Variants in CMIP observed in about 807,000 individuals in gnomAD.
CMIP encodes the protein C-Maf-inducing protein.
A neutral mutation model predicts 97.3 loss-of-function variants in CMIP; 13 were observed. The ratio of observed to expected loss-of-function variants is 0.13; its 90% CI spans 0.09 to 0.21. The LOEUF is 0.21. Among genes scored for constraint, CMIP ranks in the 10% least tolerant of loss-of-function variants. The probability of loss-of-function intolerance (pLI) is 1.00; values close to 1 mark genes in which losing one functional copy is unlikely to be tolerated. For missense variants in CMIP, 847 were observed against 1,024.9 expected (o/e 0.83, Z 2.37); for synonymous variants, 538 against 436.3 (o/e 1.23, Z -2.91).
chr16:81,560,164 AAAAG>A lies in CMIP; in HGVS notation c.301-47399_301-47396del, dbSNP rs1302023828. The stretch of plus-strand genomic sequence containing the variant: ...TCTGTCTTAAAAAAAAAAAAAAAGA[AAAAG>A]AAAAAAAGTTGTGTGTTTTTTTGGT... On this transcript the variant is annotated intron_variant, in intron 1 of 20. Coordinates refer to ENST00000537098, the MANE Select transcript of CMIP (RefSeq NM_198390.3). Among the ~76,000 whole-genome samples, 4 of 149,526 alleles carry A rather than the reference AAAAG, an allele frequency of 2.7e-5. 1 individual carries two copies. The highest frequency in any genetic ancestry group is 2.1e-4 in the South Asian group (1 of 4,688).
In CMIP at chr16:81,709,939, G is replaced by A. The variant is rs536572123; in HGVS notation, c.*140G>A. On this transcript the variant is annotated 3_prime_UTR_variant, in exon 21 of 21. Coordinates refer to ENST00000537098, the MANE Select transcript of CMIP (RefSeq NM_198390.3). ...ATGGGGAGTCTTTCTGGGGGCGGAG[G>A]GGGGAGGGGGTGGGGAGGGGGCCCA... The A allele has an allele frequency of 7.6e-4, 477 of 623,872 alleles. No individual in the cohort carries two copies. Among genetic ancestry groups the A allele is most frequent in the Non-Finnish European group, 8.7e-4 (304 of 350,760 alleles). The allele number at this position is 623,872 out of a possible 1,614,324, so 38.6% of individuals were successfully genotyped here. A position where few individuals can be genotyped will look rare whatever the true frequency, so the allele number is the denominator to read the frequency against.
Position 81,613,434 on chromosome 16 carries a change from C to G in CMIP, c.426+5742C>G, listed in dbSNP as rs140040437. ...CTTCCCTGGGCACTAGCTCTGGATC[C>G]TTAGACTCTAACTAGCCATGGAACC... On this transcript the variant is annotated intron_variant, in intron 2 of 20. Coordinates refer to ENST00000537098, the MANE Select transcript of CMIP (RefSeq NM_198390.3). Among the ~76,000 whole-genome samples, 59 of 152,274 alleles carry G rather than the reference C, an allele frequency of 3.9e-4. No individual in the cohort carries two copies. In the East Asian group the frequency reaches 7.9e-3, roughly 20 times the overall value.
chr16:81,459,014 G>GTCACCA (rs1462543588), intron 1 of CMIP, among the ~76,000 whole-genome samples: 1 of 148,390 alleles, frequency 6.7e-6, no homozygotes, highest in African/African-American at 2.6e-5. Flanking sequence ...CACCGTCACC[G>GTCACCA]TCACCATCAC....
chr16:81,591,667 GGGCTGGGAAGGGGA>G (rs1291352059), intron 1 of CMIP, among the ~76,000 whole-genome samples: 2 of 152,040 alleles, frequency 1.3e-5, no homozygotes, highest in Non-Finnish European at 2.9e-5. Flanking sequence ...CGGACCTTCT[GGGCTGGGAAGGGGA>G]GCAGGGGAGC....
intron 14 of CMIP, 145 bp downstream of exon 14, chr16:81,696,812 TGGTGGTGGTG>T (rs1906782206): frequency 1.5e-6 from 1 of 682,944 alleles, no homozygotes; most frequent in East Asian, 3.8e-5. Context: ...GTGGTGGTGG[TGGTGGTGGTG>T]ATGGTGACCG....
rs1474019777 is a variant in CMIP at position 81,709,823 on chromosome 16, A to ACGTT, written c.*25_*28dup. Reference sequence around the variant, plus strand: ...GAAGCTCCCAGCTCAAGGCAGGAAGACGTTTGCAACCGCGACAAAATAACT... The same window carrying ACGTT: ...GAAGCTCCCAGCTCAAGGCAGGAAGACGTTCGTTTGCAACCGCGACAAAATAACT... On this transcript the variant is annotated 3_prime_UTR_variant, in exon 21 of 21. Transcript: ENST00000537098. 6.2e-7 allele frequency: 1 copy of ACGTT among 1,613,244 alleles called. No individual in the cohort carries two copies. Among genetic ancestry groups the ACGTT allele is most frequent in the East Asian group, 2.2e-5 (1 of 44,848 alleles).
chr16:81,498,374 C>T (rs948215404), intron 1 of CMIP, among the ~76,000 whole-genome samples: 1 of 152,214 alleles, frequency 6.6e-6, no homozygotes, highest in East Asian at 1.9e-4. Context: ...GGGCACAGGC[C>T]TGAGTGAGAT....
intron 5 of CMIP, among the ~76,000 whole-genome samples, chr16:81,660,389 C>A (rs1471312149): frequency 2.0e-5 from 3 of 152,014 alleles, no homozygotes; most frequent in Non-Finnish European, 2.9e-5. Context: ...TCTCCTGCCT[C>A]AGCCTCCCGA....
At chr16:81,513,896 T>G (rs1408374158) in intron 1 of CMIP, among the ~76,000 whole-genome samples, 2 of 152,232 alleles carry the variant, frequency 1.3e-5, no homozygotes, top group Admixed American at 1.3e-4. Flanking sequence ...TTGCTGCGCT[T>G]CCCTCAGCCT....
chr16:81,537,107 A>C (rs548505858), intron 1 of CMIP, among the ~76,000 whole-genome samples: 1 of 152,342 alleles, frequency 6.6e-6, no homozygotes, highest in African/African-American at 2.4e-5. Flanking sequence ...CTTCAGGACC[A>C]GTCATGGCAG....
intron 8 of CMIP, among the ~76,000 whole-genome samples, 196 bp from the exon 9 acceptor site, chr16:81,671,770 G>A (rs1413743010): frequency 6.6e-6 from 1 of 152,242 alleles, no homozygotes; most frequent in African/African-American, 2.4e-5. Context: ...TTTGCCTTCT[G>A]CTGCCTGCAC....
At chr16:81,691,633 A>T in intron 10 of CMIP, 142 bp from the exon 11 acceptor site, 1 of 686,546 alleles carries the variant, frequency 1.5e-6, no homozygotes, top group East Asian at 2.7e-5. Context: ...CTCATCCTGG[A>T]GGTGGAAGTG....
intron 10 of CMIP, among the ~76,000 whole-genome samples, chr16:81,681,455 C>T (rs929992524): frequency 2.6e-5 from 4 of 152,212 alleles, no homozygotes; most frequent in African/African-American, 7.2e-5. Context: ...CTCTCTGAGC[C>T]TCCGGTCCCA....
chr16:81,620,844 C>G (rs376326139), intron 2 of CMIP, 32 bp from the exon 3 acceptor site: 1 of 1,613,344 alleles, frequency 6.2e-7, no homozygotes, highest in Admixed American at 1.7e-5. Flanking sequence ...AGCTGATGAC[C>G]GGACCTTGCT....
intron 1 of CMIP, among the ~76,000 whole-genome samples, chr16:81,545,073 A>G (rs1437114149): frequency 6.6e-6 from 1 of 152,066 alleles, no homozygotes; most frequent in Non-Finnish European, 1.5e-5. Context: ...ATGATCTTGT[A>G]AACTCCTAGA....
At position 81,656,068 on chromosome 16, in the gene CMIP, G is replaced by C. The variant is rs553071687; in HGVS notation, c.640-1707G>C. On this transcript the variant is annotated intron_variant, in intron 4 of 20. Coordinates refer to ENST00000537098, the MANE Select transcript of CMIP (RefSeq NM_198390.3). Reference sequence around the variant, plus strand: ...CTCATATCCACTAAAGAAAAAAAGCGTGTTCAGATCCAAAAAACATCCTTT... The same window carrying C: ...CTCATATCCACTAAAGAAAAAAAGCCTGTTCAGATCCAAAAAACATCCTTT... 7.2e-5 allele frequency among the ~76,000 whole-genome samples: 11 copies of C among 152,244 alleles called. No homozygotes were observed. In the East Asian group the frequency reaches 1.5e-3, roughly 21 times the overall value.
At chr16:81,570,576 A>G (rs2091070096) in intron 1 of CMIP, among the ~76,000 whole-genome samples, 1 of 152,076 alleles carries the variant, frequency 6.6e-6, no homozygotes, top group Non-Finnish European at 1.5e-5. Context: ...CCTGTGGGAC[A>G]TTGAGAGTCT....
At chr16:81,458,975 A>G (rs1161979626) in intron 1 of CMIP, among the ~76,000 whole-genome samples, 2 of 152,084 alleles carry the variant, frequency 1.3e-5, no homozygotes, top group East Asian at 3.9e-4. Flanking sequence ...CATTACTGTC[A>G]TCTCCGCTGT....
chr16:81,647,204 T>C (rs2092373502), intron 3 of CMIP, among the ~76,000 whole-genome samples: 1 of 152,214 alleles, frequency 6.6e-6, no homozygotes, highest in South Asian at 2.1e-4. Context: ...TCCCGAGGGC[T>C]AATGACGTTG....
Sources: allele counts gnomAD v4.1 joint callset (sites outside exome capture counted in the v4.1 genomes callset), GRCh38; gene constraint gnomAD v4.1.1; transcripts MANE v1.5; gene names NCBI Gene and HGNC (gene_info 2026-07-23, HGNC 2026-07-21).